CDH7: variants seen among roughly 807,000 people sequenced by gnomAD.
CDH7 encodes the protein cadherin-7.
Under a neutral mutation model 71.8 loss-of-function variants are expected in CDH7, and 25 were observed. That is an observed-to-expected ratio of 0.35 (90% CI 0.25 to 0.49). The LOEUF (loss-of-function observed/expected upper bound fraction) is 0.49, where lower values mean the gene tolerates loss of function less well. CDH7 is among the 20% of genes least tolerant of loss of function. The pLI, the probability that CDH7 is intolerant of heterozygous loss-of-function variation, is 0.99. For synonymous variants in CDH7, 381 were observed against 363.8 expected (o/e 1.05, Z -0.54); for missense variants, 862 against 974.6 (o/e 0.88, Z 1.54).
intron 2 of CDH7, among the ~76,000 whole-genome samples, chr18:65,782,483 G>A (rs150487721): frequency 3.3e-5 from 5 of 152,094 alleles, no homozygotes; most frequent in Non-Finnish European, 5.9e-5. Context: ...GATAGAAGTG[G>A]AATGTGGGGT....
At chr18:65,832,420 C>T (rs566906724) in intron 6 of CDH7, among the ~76,000 whole-genome samples, 1 of 151,864 alleles carries the variant, frequency 6.6e-6, no homozygotes, top group South Asian at 2.1e-4. Flanking sequence ...TATTACTGTT[C>T]CAATATCTTA....
Position 65,776,399 on chromosome 18 carries a change from C to G in CDH7, c.210+13347C>G, listed in dbSNP as rs375380147. 4.1e-3 allele frequency among the ~76,000 whole-genome samples: 547 copies of G among 132,424 alleles called. 4 individuals are homozygous for G. The highest frequency in any genetic ancestry group is 0.015 in the African/African-American group (459 of 31,092). 86.9% of individuals were successfully genotyped at this position (132,424 alleles called of 152,430 possible). On this transcript the variant is annotated intron_variant, in intron 2 of 11. Coordinates refer to ENST00000397968, the MANE Select transcript of CDH7 (RefSeq NM_004361.5). Reference sequence around the variant, plus strand: ...ACACACACACACACACACACACACACACAGAGAGAGAGAGAGGGAAGAGAG... The same window carrying G: ...ACACACACACACACACACACACACAGACAGAGAGAGAGAGAGGGAAGAGAG...
chr18:65,756,957 T>C (rs543663774), intron 1 of CDH7, among the ~76,000 whole-genome samples: 92 of 152,214 alleles, frequency 6.0e-4, no homozygotes, highest in Non-Finnish European at 1.0e-3. Flanking sequence ...ATACTTGTTA[T>C]GTTTTTAGCA....
chr18:65,884,641 C>T lies in CDH7; in HGVS notation c.*3747C>T, dbSNP rs1289727461. 7.2e-6 allele frequency: 1 copy of T among 139,580 alleles called. No homozygotes were observed. Among genetic ancestry groups the T allele is most frequent in the East Asian group, 2.2e-4 (1 of 4,524 alleles). The allele number at this position is 139,580 out of a possible 1,614,324, so 8.6% of individuals were successfully genotyped here. On this transcript the variant is annotated 3_prime_UTR_variant, in exon 12 of 12. Transcript: ENST00000397968. ...ATATTTGTGAAGTGATCCACATGCCCAAGAAATGCAAATGCAAATAGTGTT... is the reference window on the plus strand; with the variant it reads ...ATATTTGTGAAGTGATCCACATGCCTAAGAAATGCAAATGCAAATAGTGTT...
intron 2 of CDH7, among the ~76,000 whole-genome samples, chr18:65,770,251 G>T (rs1916503863): frequency 6.6e-6 from 1 of 152,056 alleles, no homozygotes. Context: ...ATTCTTTATA[G>T]TCCAAAATTG....
intron 11 of CDH7, among the ~76,000 whole-genome samples, chr18:65,873,860 A>G (rs1418869794): frequency 6.6e-6 from 1 of 152,116 alleles, no homozygotes; most frequent in East Asian, 1.9e-4. Flanking sequence ...TTTCCCATAC[A>G]TATTTTCCTA....
intron 11 of CDH7, among the ~76,000 whole-genome samples, chr18:65,879,255 T>C (rs1257601326): frequency 6.6e-6 from 1 of 152,106 alleles, no homozygotes; most frequent in East Asian, 1.9e-4. Context: ...AAGTAAAAAG[T>C]TTACAAGATA....
intron 11 of CDH7, among the ~76,000 whole-genome samples, chr18:65,877,549 A>G (rs1450837320): frequency 1.3e-5 from 2 of 152,076 alleles, no homozygotes; most frequent in African/African-American, 2.4e-5. Flanking sequence ...ACTGACTCTC[A>G]TACTCATTCA....
chr18:65,780,918 G>GTTTTTTT (rs35645871), intron 2 of CDH7, among the ~76,000 whole-genome samples: 1 of 104,840 alleles, frequency 9.5e-6, no homozygotes, highest in Non-Finnish European at 2.0e-5. Flanking sequence ...CTCTATTCCT[G>GTTTTTTT]TTTTTTTTTT....
intron 2 of CDH7, among the ~76,000 whole-genome samples, chr18:65,793,687 T>C (rs539915891): frequency 2.0e-5 from 3 of 152,272 alleles, no homozygotes; most frequent in South Asian, 2.1e-4. Flanking sequence ...CAAAGGAGAC[T>C]TGATTTTGTA....
intron 2 of CDH7, among the ~76,000 whole-genome samples, chr18:65,787,695 C>G (rs773834910): frequency 3.1e-4 from 47 of 152,204 alleles, no homozygotes; most frequent in Non-Finnish European, 4.4e-4. Context: ...ATTTAGTGGT[C>G]TGCTCTTCTC....
At chr18:65,751,611 A>G (rs1249682306) in intron 1 of CDH7, among the ~76,000 whole-genome samples, 2 of 152,192 alleles carry the variant, frequency 1.3e-5, no homozygotes, top group Non-Finnish European at 2.9e-5. Flanking sequence ...CGCTTTGGGC[A>G]GGAGTCCTTT....
intron 2 of CDH7, among the ~76,000 whole-genome samples, chr18:65,774,967 A>G (rs1307548353): frequency 1.3e-5 from 2 of 152,214 alleles, no homozygotes; most frequent in Non-Finnish European, 2.9e-5. Context: ...AAGCGAAGAT[A>G]GTAAGAAGAT....
chr18:65,774,936 A>G (rs969072064), intron 2 of CDH7, among the ~76,000 whole-genome samples: 21 of 152,174 alleles, frequency 1.4e-4, no homozygotes, highest in African/African-American at 4.8e-4. Flanking sequence ...TGTTCAATGT[A>G]TGATCCATCC....
At chr18:65,854,187 A>G (rs1913264042) in intron 7 of CDH7, among the ~76,000 whole-genome samples, 1 of 151,304 alleles carries the variant, frequency 6.6e-6, no homozygotes, top group East Asian at 2.0e-4. Flanking sequence ...ATGTGTGTAG[A>G]CCTTGCTCCT....
chr18:65,844,247 A>G (rs1243681066), intron 7 of CDH7, among the ~76,000 whole-genome samples, 182 bp downstream of exon 7: 1 of 146,896 alleles, frequency 6.8e-6, no homozygotes, highest in Non-Finnish European at 1.5e-5. Context: ...TAACTCAAAA[A>G]TATCATCTGA....
intron 2 of CDH7, among the ~76,000 whole-genome samples, chr18:65,786,232 T>C (rs1218046988): frequency 6.6e-6 from 1 of 151,960 alleles, no homozygotes; most frequent in Non-Finnish European, 1.5e-5. Context: ...CTAAGTTTGA[T>C]TTCATTGACA....
intron 6 of CDH7, among the ~76,000 whole-genome samples, chr18:65,835,915 A>G (rs1358287874): frequency 6.6e-6 from 1 of 152,210 alleles, no homozygotes; most frequent in Non-Finnish European, 1.5e-5. Context: ...CTTAATGGGA[A>G]CATTATCCTG....
intron 1 of CDH7, among the ~76,000 whole-genome samples, chr18:65,762,242 C>T (rs1363668314): frequency 6.6e-6 from 1 of 152,054 alleles, no homozygotes; most frequent in Admixed American, 6.6e-5. Context: ...CTTTGAGTTG[C>T]TTTGCTTTCA....
Sources: gnomAD v4.1 joint callset for allele counts (sites outside exome capture counted in the v4.1 genomes callset) on GRCh38, gnomAD v4.1.1 for gene constraint, MANE v1.5 for transcripts, NCBI Gene and HGNC (gene_info 2026-07-23, HGNC 2026-07-21) for gene names.